The following CSPP1 variants were observed in gnomAD, a reference collection of about 807,000 sequenced individuals.
CSPP1 encodes centrosome and spindle pole-associated protein 1.
In CSPP1, 126 loss-of-function variants were observed where a neutral mutation model predicts 164.4. The ratio of observed to expected loss-of-function variants is 0.77; its 90% CI spans 0.66 to 0.89. CSPP1 has a LOEUF of 0.89. CSPP1 is among the 40% of genes least tolerant of loss of function. The pLI, the probability that CSPP1 is intolerant of heterozygous loss-of-function variation, is 0.00. For missense variants in CSPP1, 1,395 were observed against 1,449.8 expected, an observed-to-expected ratio of 0.96 and a Z score of 0.61; for synonymous variants, 472 against 476.7, an observed-to-expected ratio of 0.99 and a Z score of 0.13.
At position 67,086,062 on chromosome 8, in the gene CSPP1, T is replaced by G. The variant is rs773100037; in HGVS notation, c.255T>G (p.His85Gln). The G allele has an allele frequency of 6.5e-7, 1 of 1,529,010 alleles. No individual in the cohort carries two copies. The highest frequency in any genetic ancestry group is 1.7e-5 in the Admixed American group (1 of 59,886). The allele number at this position is 1,529,010 out of a possible 1,614,324, so 94.7% of individuals were successfully genotyped here. Residue 85 changes from histidine to glutamine, a missense_variant, in exon 4 of 31, where the codon CAT becomes CAG. Coordinates refer to ENST00000678616, the MANE Select transcript of CSPP1 (RefSeq NM_001382391.1). ...GAGAAGACTATGAACGGAAGAAACA[T>G]AAATTAAAAGAAGAATTGCGGCAAG... ...PLGEDYERKK[H>Q]KLKEELRQDY...
intron 28 of CSPP1, among the ~76,000 whole-genome samples, chr8:67,182,967 A>G (rs1186333864): frequency 6.6e-6 from 1 of 152,172 alleles, no homozygotes; most frequent in Non-Finnish European, 1.5e-5. Context: ...GATACATAGG[A>G]GCTTTTAATT....
At chr8:67,102,942 T>A (rs2129547071) in intron 7 of CSPP1, 95 bp from the exon 8 acceptor site, 1 of 649,076 alleles carries the variant, frequency 1.5e-6, no homozygotes, top group East Asian at 2.8e-5. Flanking sequence ...CTTTGTTCCT[T>A]TTAATGTTGC....
intron 7 of CSPP1, among the ~76,000 whole-genome samples, chr8:67,096,994 C>T (rs1812941371): frequency 6.6e-6 from 1 of 152,262 alleles, no homozygotes; most frequent in South Asian, 2.1e-4. Context: ...TTTTCAGTTC[C>T]TTTGAATGTT....
intron 5 of CSPP1, among the ~76,000 whole-genome samples, chr8:67,092,854 TATA>T (rs774004956): frequency 1.3e-5 from 2 of 152,322 alleles, no homozygotes; most frequent in Middle Eastern, 3.4e-3. Context: ...AACATTTCAT[TATA>T]ATATTTTATA....
chr8:67,121,799 TG>T (rs1282464040), intron 15 of CSPP1, among the ~76,000 whole-genome samples: 1 of 152,106 alleles, frequency 6.6e-6, no homozygotes, highest in African/African-American at 2.4e-5. Context: ...TTTTCTTTGT[TG>T]GGTGATTATT....
chr8:67,118,879 A>T (rs1275915521), intron 15 of CSPP1, 58 bp downstream of exon 15: 2 of 1,161,510 alleles, frequency 1.7e-6, no homozygotes, highest in East Asian at 4.7e-5. Context: ...TAAGATACAC[A>T]TAACCTAAAA....
At chr8:67,181,417 C>T (rs979034281) in intron 28 of CSPP1, among the ~76,000 whole-genome samples, 4 of 148,714 alleles carry the variant, frequency 2.7e-5, no homozygotes, top group African/African-American at 9.9e-5. Context: ...AAGATAAAAC[C>T]AGCAGGAGAC....
At chr8:67,116,630 A>G (rs2129551008) in intron 13 of CSPP1, among the ~76,000 whole-genome samples, 1 of 152,272 alleles carries the variant, frequency 6.6e-6, no homozygotes, top group South Asian at 2.1e-4. Flanking sequence ...TAAAACCTGT[A>G]ATTTAAGTAT....
At chr8:67,100,118 A>G (rs968597129) in intron 7 of CSPP1, among the ~76,000 whole-genome samples, 12 of 152,110 alleles carry the variant, frequency 7.9e-5, no homozygotes, top group Admixed American at 6.5e-4. Flanking sequence ...ATTATTGGTG[A>G]CAGAGTGGAC....
intron 14 of CSPP1, 32 bp from the exon 15 acceptor site, chr8:67,118,711 A>C (rs900899712): frequency 2.7e-6 from 4 of 1,454,812 alleles, no homozygotes; most frequent in Non-Finnish European, 3.8e-6. Context: ...ATTCTAAATA[A>C]ACTTTTTTTG....
intron 17 of CSPP1, among the ~76,000 whole-genome samples, chr8:67,140,963 G>A (rs1171561675): frequency 6.6e-6 from 1 of 152,186 alleles, no homozygotes; most frequent in Non-Finnish European, 1.5e-5. Flanking sequence ...GGGAGGCTGG[G>A]AAGTTTAACT....
At chr8:67,094,137 A>AG in intron 6 of CSPP1, among the ~76,000 whole-genome samples, 1 of 150,064 alleles carries the variant, frequency 6.7e-6, no homozygotes, top group South Asian at 2.1e-4. Context: ...AAAAAAAAAA[A>AG]AAAAAAAAGG....
At position 67,119,625 on chromosome 8, in the gene CSPP1, C is replaced by T. The variant is rs189346442; in HGVS notation, c.1697+804C>T. Among the ~76,000 whole-genome samples, 672 of 152,146 alleles carry T rather than the reference C, an allele frequency of 4.4e-3. 9 individuals are homozygous for T. Among genetic ancestry groups the T allele is most frequent in the African/African-American group, 0.015 (637 of 41,514 alleles). ...GGTATTTCATTGTAGGTTTAATTTG[C>T]ATTTCCCTAATTATTAGTGAGGTTG... On this transcript the variant is annotated intron_variant, in intron 15 of 30. Coordinates refer to ENST00000678616, the MANE Select transcript of CSPP1 (RefSeq NM_001382391.1).
intron 18 of CSPP1, among the ~76,000 whole-genome samples, chr8:67,150,658 C>G (rs1350655249): frequency 1.3e-5 from 2 of 152,218 alleles, no homozygotes; most frequent in Non-Finnish European, 2.9e-5. Context: ...GCCTCCACCT[C>G]CCAAAGTGCC....
chr8:67,159,852 T>TTTTCTTTCTTTCTTTCTTTC (rs71249421), intron 21 of CSPP1, among the ~76,000 whole-genome samples: 5 of 47,592 alleles, frequency 1.1e-4, no homozygotes, highest in Admixed American at 2.6e-4. Flanking sequence ...CTTTCTTTCT[T>TTTTCTTTCTTTCTTTCTTTC]TTTCTTTCTT....
In CSPP1 at chr8:67,116,030, C is replaced by G; in HGVS notation, c.1404C>G (p.Val468=). The part of the protein sequence containing the change: ...TPLPPLSAPS[V]PPIPSVHPVP... The stretch of plus-strand genomic sequence containing the variant: ...TCCCTCCTTTATCTGCCCCATCTGT[C>G]CCACCCATCCCATCAGTTCATCCTG... The change falls in exon 13 of 31, where the codon GTC becomes GTG. Residue 468 remains valine (V), a synonymous_variant. Coordinates refer to ENST00000678616, the MANE Select transcript of CSPP1 (RefSeq NM_001382391.1). The G allele has an allele frequency of 6.2e-7, 1 of 1,613,992 alleles. No individual in the cohort carries two copies. The highest frequency in any genetic ancestry group is 8.5e-7 in the Non-Finnish European group (1 of 1,179,880).
chr8:67,082,207 C>T (rs1809355869), intron 3 of CSPP1, among the ~76,000 whole-genome samples: 1 of 152,162 alleles, frequency 6.6e-6, no homozygotes, highest in African/African-American at 2.4e-5. Context: ...GCCACCACAC[C>T]CAGCTACTTT....
chr8:67,121,759 A>C (rs1199118478), intron 15 of CSPP1, among the ~76,000 whole-genome samples: 2 of 152,206 alleles, frequency 1.3e-5, no homozygotes, highest in African/African-American at 4.8e-5. Flanking sequence ...GTTTGATAGA[A>C]TTCACCAGTG....
chr8:67,098,396 C>T (rs866904685), intron 7 of CSPP1, among the ~76,000 whole-genome samples: 10 of 135,932 alleles, frequency 7.4e-5, no homozygotes, highest in Non-Finnish European at 1.5e-4. Context: ...ACCCTATAAA[C>T]GTTTACTTTT....
Sources: allele counts gnomAD v4.1 joint callset (sites outside exome capture counted in the v4.1 genomes callset), GRCh38; gene constraint gnomAD v4.1.1; transcripts MANE v1.5; gene names NCBI Gene and HGNC (gene_info 2026-07-23, HGNC 2026-07-21).